ARMH3: variants seen among roughly 807,000 people sequenced by gnomAD.
The protein encoded by ARMH3 is armadillo like helical domain containing 3.
ARMH3 carries 60 observed loss-of-function variants against 99.1 expected under a neutral mutation model. The observed-to-expected ratio is 0.61, with a 90% confidence interval of 0.49 to 0.75. The LOEUF is 0.75. Among genes scored for constraint, ARMH3 ranks in the 30% least tolerant of loss-of-function variants. The pLI is 0.00. For synonymous variants in ARMH3, 285 were observed against 292.8 expected, an observed-to-expected ratio of 0.97 and a Z score of 0.27; for missense variants, 679 against 843.1, an observed-to-expected ratio of 0.81 and a Z score of 2.41.
At chr10:101,893,284 C>T (rs2067736889) in intron 23 of ARMH3, among the ~76,000 whole-genome samples, 1 of 152,166 alleles carries the variant, frequency 6.6e-6, no homozygotes, top group South Asian at 2.1e-4. Flanking sequence ...CCACAGGTAT[C>T]TTCGAAAAAG....
At chr10:101,969,091 A>G (rs968251295) in intron 20 of ARMH3, among the ~76,000 whole-genome samples, 20 of 152,190 alleles carry the variant, frequency 1.3e-4, no homozygotes, top group Non-Finnish European at 2.9e-4. Context: ...AACAAGATAG[A>G]AATAGCAGCT....
At chr10:101,971,051 T>C (rs955792398) in intron 20 of ARMH3, among the ~76,000 whole-genome samples, 1 of 136,880 alleles carries the variant, frequency 7.3e-6, no homozygotes, top group Non-Finnish European at 1.5e-5. Context: ...GAGCTGAGAC[T>C]GTGGCACTGC....
intron 23 of ARMH3, among the ~76,000 whole-genome samples, chr10:101,922,949 C>T (rs1397358682): frequency 1.3e-5 from 2 of 152,032 alleles, no homozygotes; most frequent in Non-Finnish European, 2.9e-5. Context: ...TAATGTCCTT[C>T]GGTACACTGG....
At chr10:101,892,357 G>A (rs2135456550) in intron 23 of ARMH3, among the ~76,000 whole-genome samples, 1 of 152,288 alleles carries the variant, frequency 6.6e-6, no homozygotes, top group East Asian at 1.9e-4. Flanking sequence ...TACTTGGAAG[G>A]CTGAAGTGGG....
intron 23 of ARMH3, among the ~76,000 whole-genome samples, chr10:101,924,984 C>A (rs551383003): frequency 4.0e-4 from 61 of 152,068 alleles, no homozygotes; most frequent in Non-Finnish European, 7.6e-4. Flanking sequence ...TAGAGAGAGA[C>A]TCCGTCTCAA....
chr10:101,931,734 G>A (rs1006351362), intron 23 of ARMH3, among the ~76,000 whole-genome samples: 2 of 152,048 alleles, frequency 1.3e-5, no homozygotes, highest in Admixed American at 6.5e-5. Context: ...CCTGGGCAAC[G>A]TAGCAAGACC....
chr10:102,024,642 C>CTTT (rs1217886128), intron 6 of ARMH3, among the ~76,000 whole-genome samples: 3 of 149,506 alleles, frequency 2.0e-5, no homozygotes, highest in Admixed American at 6.7e-5. Context: ...GAAACCCCAT[C>CTTT]TCTACTAAAA....
intron 24 of ARMH3, among the ~76,000 whole-genome samples, chr10:101,878,594 G>A (rs916650460): frequency 3.3e-5 from 5 of 151,616 alleles, no homozygotes; most frequent in Admixed American, 6.6e-5. Context: ...AGCTAGAATC[G>A]TGTCACTGCA....
At chr10:101,862,409 T>C (rs1425105183) in intron 24 of ARMH3, among the ~76,000 whole-genome samples, 1 of 152,082 alleles carries the variant, frequency 6.6e-6, no homozygotes, top group African/African-American at 2.4e-5. Flanking sequence ...AAACCCTGTC[T>C]CTAGTAAAAA....
chr10:101,922,245 C>A (rs1843335172), intron 23 of ARMH3, among the ~76,000 whole-genome samples: 1 of 152,000 alleles, frequency 6.6e-6, no homozygotes, highest in South Asian at 2.1e-4. Context: ...ACATTCTATT[C>A]CTTTTTTGTT....
chr10:102,010,118 G>T, intron 11 of ARMH3, 95 bp from the exon 12 acceptor site: 2 of 1,163,152 alleles, frequency 1.7e-6, no homozygotes, highest in Non-Finnish European at 1.3e-6. Context: ...AAAACAAGCT[G>T]CTTCCACCTG....
At chr10:102,019,966 C>T (rs950292013) in intron 8 of ARMH3, among the ~76,000 whole-genome samples, 1 of 150,216 alleles carries the variant, frequency 6.7e-6, no homozygotes, top group Non-Finnish European at 1.5e-5. Context: ...AAGATATATT[C>T]TTTTTATTCT....
chr10:101,925,445 T>C (rs965163867), intron 23 of ARMH3, among the ~76,000 whole-genome samples: 5 of 152,200 alleles, frequency 3.3e-5, no homozygotes, highest in African/African-American at 1.2e-4. Context: ...ATATGAAGAA[T>C]AGCTGAGAGA....
At chr10:101,972,242 C>T (rs1446670529) in intron 20 of ARMH3, among the ~76,000 whole-genome samples, 6 of 152,116 alleles carry the variant, frequency 3.9e-5, no homozygotes, top group Non-Finnish European at 7.4e-5. Flanking sequence ...TAACAAAGAG[C>T]TAATACAGTC....
chr10:101,952,402 C>T (rs1844834051), intron 22 of ARMH3, among the ~76,000 whole-genome samples: 1 of 152,054 alleles, frequency 6.6e-6, no homozygotes, highest in Non-Finnish European at 1.5e-5. Flanking sequence ...AGTCACAGAC[C>T]AGAGAAGACT....
chr10:101,955,433 T>C (rs1021141610), intron 22 of ARMH3, among the ~76,000 whole-genome samples: 1 of 152,220 alleles, frequency 6.6e-6, no homozygotes, highest in Admixed American at 6.5e-5. Flanking sequence ...TACAAGGCCC[T>C]ACTTGCACTG....
At chr10:101,996,445 T>C (rs1847059215) in intron 15 of ARMH3, among the ~76,000 whole-genome samples, 1 of 152,204 alleles carries the variant, frequency 6.6e-6, no homozygotes, top group African/African-American at 2.4e-5. Context: ...TCCTCAGAGA[T>C]AGGCAATGCA....
intron 23 of ARMH3, among the ~76,000 whole-genome samples, chr10:101,912,338 A>C (rs1249116099): frequency 6.9e-6 from 1 of 144,980 alleles, no homozygotes; most frequent in Non-Finnish European, 1.5e-5. Context: ...GGTTGCAGTG[A>C]GCCGAGATCG....
chr10:102,000,191 T>C (rs1472155879), intron 15 of ARMH3, among the ~76,000 whole-genome samples: 3 of 152,290 alleles, frequency 2.0e-5, no homozygotes, highest in Non-Finnish European at 4.4e-5. Context: ...CATGAGTATA[T>C]AGGTAAATCA....
Sources: allele counts gnomAD v4.1 joint callset (sites outside exome capture counted in the v4.1 genomes callset), GRCh38; gene constraint gnomAD v4.1.1; transcripts MANE v1.5; gene names NCBI Gene and HGNC (gene_info 2026-07-23, HGNC 2026-07-21).